TRIM23: variants seen among roughly 807,000 people sequenced by gnomAD.
TRIM23 encodes the protein tripartite motif containing 23.
In TRIM23, 27 loss-of-function variants were observed where a neutral mutation model predicts 71.0. The ratio of observed to expected loss-of-function variants is 0.38; its 90% CI spans 0.28 to 0.52. The LOEUF is 0.52. TRIM23 is among the 20% of genes least tolerant of loss of function. TRIM23 has a pLI of 0.84. For missense variants in TRIM23, 482 were observed against 692.3 expected (o/e 0.70, Z 3.41); for synonymous variants, 234 against 238.0 (o/e 0.98, Z 0.16).
intron 6 of TRIM23, among the ~76,000 whole-genome samples, chr5:65,607,927 A>G (rs1214087244): frequency 6.6e-6 from 1 of 152,228 alleles, no homozygotes; most frequent in Non-Finnish European, 1.5e-5. Context: ...GTCAGCATCT[A>G]AAACACATAG....
intron 7 of TRIM23, 102 bp from the exon 8 acceptor site, chr5:65,597,282 T>C: frequency 8.3e-7 from 1 of 1,203,280 alleles, no homozygotes; most frequent in South Asian, 1.4e-5. Flanking sequence ...CCTCAACCAT[T>C]GCAATCTGAA....
chr5:65,614,864 A>G (rs1426149352), intron 2 of TRIM23, among the ~76,000 whole-genome samples: 2 of 152,162 alleles, frequency 1.3e-5, no homozygotes, highest in East Asian at 1.9e-4. Flanking sequence ...TGTTATACAT[A>G]TATTTTGCCA....
rs760283599 is a variant in TRIM23, at chr5:65,605,061, C to A, written c.1045-16G>T. ...TACAATCATCCTATAAGAGGCAAAA[C>A]AATATTTCTTATAAACTTTTTATAA... On this transcript the variant is annotated splice_polypyrimidine_tract_variant and intron_variant, in intron 6 of 10. Transcript: ENST00000231524. 1.6e-5 allele frequency: 25 copies of A among 1,575,842 alleles called. No individual in the cohort carries two copies. Among genetic ancestry groups the A allele is most frequent in the Non-Finnish European group, 2.1e-5 (25 of 1,164,554 alleles).
intron 2 of TRIM23, among the ~76,000 whole-genome samples, chr5:65,614,997 A>G (rs1754744643): frequency 1.3e-5 from 2 of 152,066 alleles, no homozygotes; most frequent in Non-Finnish European, 2.9e-5. Context: ...TTCCGGGTTC[A>G]AGTGATCCTC....
At chr5:65,599,146 A>G (rs934636812) in intron 7 of TRIM23, among the ~76,000 whole-genome samples, 2 of 152,222 alleles carry the variant, frequency 1.3e-5, no homozygotes, top group African/African-American at 4.8e-5. Context: ...CACAGATGAC[A>G]TGATCTTGTA....
Position 65,591,683 on chromosome 5 carries a change from TC to T in TRIM23, c.*85del. ...TATATATATGCATCCTAAATTACCA[TC>T]TTTTGAGATGTATAATTTCTTAAAA... On this transcript the variant is annotated 3_prime_UTR_variant, in exon 11 of 11. Coordinates refer to ENST00000231524, the MANE Select transcript of TRIM23 (RefSeq NM_001656.4). The T allele has an allele frequency of 8.4e-7, 1 of 1,196,060 alleles. No homozygotes were observed. The highest frequency in any genetic ancestry group is 2.5e-5 in the South Asian group (1 of 40,660). The allele number at this position is 1,196,060 out of a possible 1,614,324, so 74.1% of individuals were successfully genotyped here.
Position 65,609,228 on chromosome 5 carries a change from A to G in TRIM23, c.1044+15T>C. On this transcript the variant is annotated intron_variant, in intron 6 of 10. Transcript: ENST00000231524. The stretch of plus-strand genomic sequence containing the variant: ...AACTTACAACTAAGTCCCTAACCAC[A>G]TTTAAACTACCTACCTGCTGCAAAG... 1 of 1,613,956 alleles carries G rather than the reference A, an allele frequency of 6.2e-7. No homozygotes were observed. The highest frequency in any genetic ancestry group is 1.7e-4 in the Middle Eastern group (1 of 6,058).
At position 65,592,099 on chromosome 5, in the gene TRIM23, A is replaced by G. The variant is rs766777781; in HGVS notation, c.1546-151T>C. The G allele has an allele frequency of 1.3e-3, 921 of 732,178 alleles. 1 individual carries two copies. Among genetic ancestry groups the G allele is most frequent in the Admixed American group, 1.8e-3 (60 of 33,672 alleles). 45.4% of individuals were successfully genotyped at this position (732,178 alleles called of 1,614,324 possible). On this transcript the variant is annotated intron_variant, in intron 10 of 10. Coordinates refer to ENST00000231524, the MANE Select transcript of TRIM23 (RefSeq NM_001656.4). ...TCTTTCAGTAATTATTCTGAGATTA[A>G]TAAGAATAGAAAAAATTAGTTTGGT...
At chr5:65,596,327 TTAATCA>T in intron 9 of TRIM23, 88 bp downstream of exon 9, 1 of 863,724 alleles carries the variant, frequency 1.2e-6, no homozygotes, top group Non-Finnish European at 1.9e-6. Flanking sequence ...AGTCAACGAC[TTAATCA>T]TAAGTATCAG....
At chr5:65,610,357 C>A (rs1226936850) in intron 5 of TRIM23, among the ~76,000 whole-genome samples, 1 of 152,202 alleles carries the variant, frequency 6.6e-6, no homozygotes, top group Non-Finnish European at 1.5e-5. Flanking sequence ...TTTAACATGG[C>A]TGACAAGATC....
intron 10 of TRIM23, among the ~76,000 whole-genome samples, chr5:65,593,953 G>T (rs1754118932): frequency 6.6e-6 from 1 of 152,094 alleles, no homozygotes; most frequent in Admixed American, 6.6e-5. Context: ...ACATTTTGAT[G>T]ACTCCTCCTT....
chr5:65,624,163 G>GA, intron 1 of TRIM23, 31 bp downstream of exon 1: 1 of 1,613,692 alleles, frequency 6.2e-7, no homozygotes, highest in Non-Finnish European at 8.5e-7. Context: ...GGAGGCCGAT[G>GA]GTGGAGAATA....
chr5:65,618,301 G>C (rs1035565169), intron 1 of TRIM23, 46 bp from the exon 2 acceptor site: 2 of 1,538,354 alleles, frequency 1.3e-6, no homozygotes, highest in African/African-American at 2.8e-5. Context: ...AATTTTAAAA[G>C]CATACATATT....
At chr5:65,598,341 G>T (rs985187291) in intron 7 of TRIM23, among the ~76,000 whole-genome samples, 3 of 152,186 alleles carry the variant, frequency 2.0e-5, no homozygotes, top group Admixed American at 2.0e-4. Flanking sequence ...AGTGAAAGGG[G>T]TAATAAAATT....
At chr5:65,598,455 C>T (rs194600) in intron 7 of TRIM23, among the ~76,000 whole-genome samples, 94,388 of 152,110 alleles carry the variant, frequency 0.62, 29,552 homozygotes, top group South Asian at 0.65. Context: ...CTGAATTCAA[C>T]AACACATTAG....
At chr5:65,596,818 A>G (rs1754220245) in intron 8 of TRIM23, among the ~76,000 whole-genome samples, 1 of 152,018 alleles carries the variant, frequency 6.6e-6, no homozygotes, top group Non-Finnish European at 1.5e-5. Context: ...AGCCAGGATC[A>G]CCAATCCTCT....
intron 8 of TRIM23, 46 bp from the exon 9 acceptor site, chr5:65,596,577 A>C (rs1325010264): frequency 8.8e-7 from 1 of 1,133,968 alleles, no homozygotes; most frequent in Non-Finnish European, 1.3e-6. Flanking sequence ...TGTATTTACA[A>C]TGAATGACAT....
chr5:65,606,978 T>C (rs760137884), intron 6 of TRIM23: 1 of 152,274 alleles, frequency 6.6e-6, no homozygotes, highest in Non-Finnish European at 1.5e-5. Flanking sequence ...TTTAAATACA[T>C]GGCATATGTT....
chr5:65,590,274 A>C lies in TRIM23; in HGVS notation c.*1495T>G. The C allele has an allele frequency of 8.0e-7, 1 of 1,254,198 alleles. No homozygotes were observed. Among genetic ancestry groups the C allele is most frequent in the Non-Finnish European group, 1.1e-6 (1 of 879,648 alleles). 77.7% of individuals were successfully genotyped at this position (1,254,198 alleles called of 1,614,324 possible). ...TCGGAAGTATTATTTATGCACACAA[A>C]CTACACCTGTAACAGCATGACCTTT... On this transcript the variant is annotated 3_prime_UTR_variant, in exon 11 of 11. Transcript: ENST00000231524.
Sources: allele counts gnomAD v4.1 joint callset (sites outside exome capture counted in the v4.1 genomes callset), GRCh38; gene constraint gnomAD v4.1.1; transcripts MANE v1.5; gene names NCBI Gene and HGNC (gene_info 2026-07-23, HGNC 2026-07-21).